The following NLGN4X variants were observed in gnomAD, a reference collection of about 807,000 sequenced individuals.
NLGN4X encodes neuroligin 4 X-linked.
In NLGN4X, 3 loss-of-function variants were observed where a neutral mutation model predicts 40.3. That is an observed-to-expected ratio of 0.07 (90% CI 0.03 to 0.19). The LOEUF is 0.19. Ranked by LOEUF, NLGN4X falls within the 10% of genes least tolerant of loss-of-function variation. NLGN4X has a pLI of 1.00. For synonymous variants in NLGN4X, 270 were observed against 306.8 expected (o/e 0.88, Z 1.25); for missense variants, 382 against 708.3 (o/e 0.54, Z 5.23).
chrX:5,958,503 G>A (rs2034565788), intron 3 of NLGN4X, among the ~76,000 whole-genome samples: 1 of 111,396 alleles, frequency 9.0e-6, no homozygotes, highest in South Asian at 3.8e-4. Context: ...TGTCTGAGGA[G>A]GTTTGCTAAG....
chrX:6,058,026 A>G (rs2037677258), intron 2 of NLGN4X, among the ~76,000 whole-genome samples: 1 of 111,697 alleles, frequency 9.0e-6, no homozygotes, highest in Non-Finnish European at 1.9e-5. Context: ...TCATAAAAAT[A>G]CGTCATAAAC....
chrX:6,179,272 C>A (rs960257885), intron 1 of NLGN4X, among the ~76,000 whole-genome samples: 7 of 111,189 alleles, frequency 6.3e-5, no homozygotes, highest in African/African-American at 2.3e-4. Flanking sequence ...CTGAAAAACA[C>A]CCATCGACTC....
chrX:5,959,077 T>C (rs532323616), intron 3 of NLGN4X, among the ~76,000 whole-genome samples: 1 of 112,529 alleles, frequency 8.9e-6, no homozygotes, highest in Admixed American at 9.4e-5. Flanking sequence ...GTCATTCATC[T>C]GACTTCCACA....
intron 3 of NLGN4X, among the ~76,000 whole-genome samples, chrX:5,955,343 G>C (rs2034458005): frequency 8.9e-6 from 1 of 111,909 alleles, no homozygotes. Flanking sequence ...TCCAAACCCT[G>C]CTCTTTTACA....
At chrX:6,076,796 C>A (rs1293763451) in intron 2 of NLGN4X, among the ~76,000 whole-genome samples, 1 of 112,294 alleles carries the variant, frequency 8.9e-6, no homozygotes, top group African/African-American at 3.2e-5. Context: ...TAGACCAATT[C>A]CTTGGGTCTT....
chrX:6,210,926 T>C (rs1924550626), intron 1 of NLGN4X, among the ~76,000 whole-genome samples: 1 of 112,404 alleles, frequency 8.9e-6, no homozygotes, highest in East Asian at 2.8e-4. Context: ...ATGGAAAAGA[T>C]TCTGCAGCTG....
chrX:6,174,864 TG>T (rs2040688000), intron 1 of NLGN4X, among the ~76,000 whole-genome samples: 1 of 110,970 alleles, frequency 9.0e-6, no homozygotes, highest in African/African-American at 3.3e-5. Context: ...TGGGATCAAT[TG>T]TACCCTATAC....
intron 3 of NLGN4X, among the ~76,000 whole-genome samples, chrX:5,924,407 C>T (rs1416368592): frequency 9.1e-6 from 1 of 109,527 alleles, no homozygotes; most frequent in Non-Finnish European, 1.9e-5. Context: ...TAAATAGAAA[C>T]TTCAAAAAGC....
At chrX:5,969,928 C>T (rs1189341729) in intron 3 of NLGN4X, among the ~76,000 whole-genome samples, 1 of 104,395 alleles carries the variant, frequency 9.6e-6, no homozygotes, top group Non-Finnish European at 1.9e-5. Flanking sequence ...CAAGGAAAAA[C>T]AACCAAACAC....
intron 2 of NLGN4X, among the ~76,000 whole-genome samples, chrX:6,098,017 C>T (rs922108029): frequency 4.2e-4 from 47 of 112,898 alleles, no homozygotes; most frequent in African/African-American, 1.4e-3. Flanking sequence ...GGGTGGGGCG[C>T]GATGGCTCGC....
chrX:5,954,584 G>A (rs1488407565), intron 3 of NLGN4X, among the ~76,000 whole-genome samples: 1 of 104,750 alleles, frequency 9.5e-6, no homozygotes, highest in East Asian at 3.1e-4. Context: ...TCATCCCTTG[G>A]TCCCTGGCAA....
At chrX:5,943,298 GC>G (rs1324486346) in intron 3 of NLGN4X, among the ~76,000 whole-genome samples, 1 of 111,575 alleles carries the variant, frequency 9.0e-6, no homozygotes, top group African/African-American at 3.3e-5. Context: ...ACTGGATGTA[GC>G]CATCAACCCA....
chrX:5,931,204 A>G (rs1299527535), intron 3 of NLGN4X, among the ~76,000 whole-genome samples: 1 of 111,944 alleles, frequency 8.9e-6, no homozygotes, highest in Non-Finnish European at 1.9e-5. Flanking sequence ...AATAAAAAAT[A>G]CTCAAAGAAG....
At chrX:5,929,844 T>G (rs2033483905) in intron 3 of NLGN4X, among the ~76,000 whole-genome samples, 2 of 112,435 alleles carry the variant, frequency 1.8e-5, no homozygotes. Flanking sequence ...TGTGGATTTT[T>G]GTGCTTAGAT....
chrX:6,228,344 G>C (rs1288586961), intron 1 of NLGN4X, among the ~76,000 whole-genome samples, 197 bp downstream of exon 1: 1 of 111,735 alleles, frequency 8.9e-6, no homozygotes, highest in Admixed American at 9.5e-5. Flanking sequence ...AATGCAGCGA[G>C]ACAGATGGGA....
At chrX:6,136,530 G>C (rs1440027534) in intron 2 of NLGN4X, among the ~76,000 whole-genome samples, 1 of 111,985 alleles carries the variant, frequency 8.9e-6, no homozygotes, top group Non-Finnish European at 1.9e-5. Context: ...TTCCTTGCTG[G>C]CTGTTGTTTC....
chrX:6,214,725 T>C (rs901420326), intron 1 of NLGN4X, among the ~76,000 whole-genome samples: 2 of 111,048 alleles, frequency 1.8e-5, no homozygotes, highest in Non-Finnish European at 3.8e-5. Context: ...TGAGACCCCG[T>C]CTCTTAAAAA....
chrX:6,152,441 G>A (rs993111349), intron 1 of NLGN4X, among the ~76,000 whole-genome samples: 4 of 112,199 alleles, frequency 3.6e-5, no homozygotes, highest in Non-Finnish European at 7.5e-5. Flanking sequence ...CCAAAACACT[G>A]TTTCTCAAAT....
At chrX:6,101,105 G>A (rs2038899518) in intron 2 of NLGN4X, among the ~76,000 whole-genome samples, 1 of 111,742 alleles carries the variant, frequency 8.9e-6, no homozygotes, top group South Asian at 3.8e-4. Context: ...AAACTATAAA[G>A]AGAATGTACT....
Sources: allele counts gnomAD v4.1 joint callset (sites outside exome capture counted in the v4.1 genomes callset), GRCh38; gene constraint gnomAD v4.1.1; transcripts MANE v1.5; gene names NCBI Gene and HGNC (gene_info 2026-07-23, HGNC 2026-07-21).